KCND2: variants seen among roughly 807,000 people sequenced by gnomAD.
KCND2 encodes potassium voltage-gated channel subfamily D member 2, also known as A-type voltage-gated potassium channel KCND2.
A neutral mutation model predicts 54.4 loss-of-function variants in KCND2; 16 were observed. The ratio of observed to expected loss-of-function variants is 0.29; its 90% CI spans 0.20 to 0.45. KCND2 has a LOEUF of 0.45. Ranked by LOEUF, KCND2 falls within the 20% of genes least tolerant of loss-of-function variation. The pLI is 1.00. For synonymous variants in KCND2, 317 were observed against 310.7 expected (o/e 1.02, Z -0.21); for missense variants, 486 against 824.2 (o/e 0.59, Z 5.02).
intron 1 of KCND2, among the ~76,000 whole-genome samples, chr7:120,305,585 T>C (rs1021958692): frequency 6.6e-6 from 1 of 152,200 alleles, no homozygotes; most frequent in South Asian, 2.1e-4. Flanking sequence ...AGCACATTGC[T>C]ATTTGCATTT....
chr7:120,504,228 T>C (rs1385545948), intron 1 of KCND2, among the ~76,000 whole-genome samples: 1 of 151,984 alleles, frequency 6.6e-6, no homozygotes, highest in Non-Finnish European at 1.5e-5. Context: ...AAAGTGGTAT[T>C]ACTATGTCTC....
At chr7:120,297,859 T>A (rs1799532560) in intron 1 of KCND2, among the ~76,000 whole-genome samples, 1 of 152,116 alleles carries the variant, frequency 6.6e-6, no homozygotes, top group African/African-American at 2.4e-5. Flanking sequence ...TTTGCATTTT[T>A]AAATTAGTAC....
At chr7:120,324,683 T>C (rs1799946715) in intron 1 of KCND2, among the ~76,000 whole-genome samples, 2 of 151,362 alleles carry the variant, frequency 1.3e-5, no homozygotes, top group Admixed American at 6.6e-5. Context: ...ACCAGTACCA[T>C]GCTGTTTTGG....
intron 1 of KCND2, among the ~76,000 whole-genome samples, chr7:120,479,915 C>T (rs1181986918): frequency 1.1e-4 from 16 of 143,752 alleles, no homozygotes; most frequent in Admixed American, 3.6e-4. Context: ...TGCAGTGAGC[C>T]GAGATCGCGC....
At chr7:120,453,709 C>T (rs551725542) in intron 1 of KCND2, among the ~76,000 whole-genome samples, 21 of 152,106 alleles carry the variant, frequency 1.4e-4, no homozygotes, top group Admixed American at 3.3e-4. Context: ...GTAATGAAAA[C>T]GAATATATTA....
intron 1 of KCND2, among the ~76,000 whole-genome samples, chr7:120,400,598 A>G (rs776775273): frequency 4.7e-5 from 7 of 148,096 alleles, no homozygotes; most frequent in Non-Finnish European, 7.4e-5. Context: ...TAATTATTTA[A>G]TCAATTAAAG....
intron 1 of KCND2, among the ~76,000 whole-genome samples, chr7:120,427,688 G>A (rs1051915636): frequency 1.3e-5 from 2 of 152,028 alleles, no homozygotes; most frequent in Admixed American, 1.3e-4. Flanking sequence ...TTTGTATCAA[G>A]GAATTATTTA....
At chr7:120,699,076 C>A (rs531022529) in intron 1 of KCND2, among the ~76,000 whole-genome samples, 8 of 151,892 alleles carry the variant, frequency 5.3e-5, no homozygotes, top group African/African-American at 1.9e-4. Flanking sequence ...GTCAGGAGAT[C>A]GAGACCAACC....
intron 1 of KCND2, among the ~76,000 whole-genome samples, chr7:120,509,294 A>G (rs920840139): frequency 5.9e-5 from 9 of 152,044 alleles, no homozygotes; most frequent in African/African-American, 2.2e-4. Flanking sequence ...ATAATAGTCT[A>G]TCACTATTGC....
intron 1 of KCND2, among the ~76,000 whole-genome samples, chr7:120,676,103 G>T (rs1033106442): frequency 2.6e-5 from 4 of 152,090 alleles, no homozygotes; most frequent in African/African-American, 9.7e-5. Context: ...CTCCCAAATT[G>T]TTGAGATTAC....
chr7:120,458,835 A>C (rs1202302461), intron 1 of KCND2, among the ~76,000 whole-genome samples: 1 of 150,870 alleles, frequency 6.6e-6, no homozygotes, highest in African/African-American at 2.4e-5. Flanking sequence ...ATATCCAAAA[A>C]ATAATAATTA....
chr7:120,704,289 A>T (rs183948860), intron 1 of KCND2, among the ~76,000 whole-genome samples: 1 of 152,158 alleles, frequency 6.6e-6, no homozygotes, highest in African/African-American at 2.4e-5. Context: ...AGAATTTCAT[A>T]ATATTCTGGT....
At chr7:120,492,371 G>A (rs1802796488) in intron 1 of KCND2, among the ~76,000 whole-genome samples, 1 of 151,956 alleles carries the variant, frequency 6.6e-6, no homozygotes, top group Non-Finnish European at 1.5e-5. Context: ...TATTGTGTGT[G>A]TATAGTACAT....
chr7:120,434,829 AT>A (rs1172665628), intron 1 of KCND2, among the ~76,000 whole-genome samples: 1 of 150,508 alleles, frequency 6.6e-6, no homozygotes, highest in African/African-American at 2.5e-5. Flanking sequence ...AAAAAAAAAA[AT>A]AGACTTTTCC....
chr7:120,348,387 C>T (rs1311067889), intron 1 of KCND2, among the ~76,000 whole-genome samples: 2 of 152,080 alleles, frequency 1.3e-5, no homozygotes, highest in Admixed American at 1.3e-4. Flanking sequence ...TTTATGAAAG[C>T]CTATCATGAT....
At chr7:120,456,712 G>A (rs915302396) in intron 1 of KCND2, among the ~76,000 whole-genome samples, 4 of 152,120 alleles carry the variant, frequency 2.6e-5, no homozygotes, top group African/African-American at 9.7e-5. Flanking sequence ...GAGTGTCTGT[G>A]GCTTTTCCAG....
intron 1 of KCND2, among the ~76,000 whole-genome samples, chr7:120,381,961 T>G (rs1460361412): frequency 6.6e-6 from 1 of 152,012 alleles, no homozygotes; most frequent in Non-Finnish European, 1.5e-5. Context: ...ATTTTTGTAT[T>G]TAGAGAGATA....
rs72376752 is a variant in KCND2, at chr7:120,403,314, G to GTT, written c.1115+127580_1115+127581dup. Among the ~76,000 whole-genome samples the GTT allele has an allele frequency of 6.1e-3, 877 of 143,544 alleles. 15 individuals are homozygous for GTT. Among genetic ancestry groups the GTT allele is most frequent in the African/African-American group, 0.021 (842 of 39,306 alleles). The allele number at this position is 143,544 out of a possible 152,430, so 94.2% of individuals were successfully genotyped here. ...TTAGTCAAATCACCCTATTATTCAT[G>GTT]TTTTTTTTTTTTTTCTTTTATAGAC... On this transcript the variant is annotated intron_variant, in intron 1 of 5. Coordinates refer to ENST00000331113, the MANE Select transcript of KCND2 (RefSeq NM_012281.3).
chr7:120,722,956 T>A (rs1232412568), intron 1 of KCND2, among the ~76,000 whole-genome samples: 1 of 152,120 alleles, frequency 6.6e-6, no homozygotes, highest in African/African-American at 2.4e-5. Flanking sequence ...AACAGGCTTA[T>A]CAACAGCACT....
Sources: gnomAD v4.1 joint callset for allele counts (sites outside exome capture counted in the v4.1 genomes callset) on GRCh38, gnomAD v4.1.1 for gene constraint, MANE v1.5 for transcripts, NCBI Gene and HGNC (gene_info 2026-07-23, HGNC 2026-07-21) for gene names.